Variants in MYH1 observed in about 807,000 individuals in gnomAD.
MYH1 encodes the protein myosin heavy chain 1.
A neutral mutation model predicts 225.6 loss-of-function variants in MYH1; 214 were observed. The ratio of observed to expected loss-of-function variants is 0.95; its 90% CI spans 0.85 to 1.06. The LOEUF (loss-of-function observed/expected upper bound fraction) is 1.06. Ranked by LOEUF, MYH1 falls within the 50% of genes least tolerant of loss-of-function variation. MYH1 has a pLI of 0.00. For missense variants in MYH1, 2,098 were observed against 2,344.2 expected (o/e 0.89, Z 2.17); for synonymous variants, 774 against 842.3 (o/e 0.92, Z 1.40).
Position 10,497,067 on chromosome 17 carries a change from A to C in MYH1, c.4656+2T>G, listed in dbSNP as rs1225115327. The stretch of plus-strand genomic sequence containing the variant: ...TTTTAGAGTATGCAATAAAATGCTT[A>C]CCTCTGCCTCCTCTAAGGCAGCCTG... On this transcript the variant is annotated splice_donor_variant, in intron 33 of 39. Coordinates refer to ENST00000226207, the MANE Select transcript of MYH1 (RefSeq NM_005963.4). LOFTEE classifies it high-confidence loss of function. 6.2e-7 allele frequency: 1 copy of C among 1,612,096 alleles called. No homozygotes were observed. The highest frequency in any genetic ancestry group is 1.1e-5 in the South Asian group (1 of 90,806).
In MYH1 at chr17:10,502,661, T is replaced by A; in HGVS notation, c.3111+77A>T. 3.7e-6 allele frequency: 6 copies of A among 1,604,552 alleles called. 1 individual carries two copies. The South Asian group carries it at 5.5e-5, about 15-fold the overall frequency. On this transcript the variant is annotated intron_variant, in intron 24 of 39. Coordinates refer to ENST00000226207, the MANE Select transcript of MYH1 (RefSeq NM_005963.4). ...AGGCACTTGATAAGTACTCACTATA[T>A]CATAACGACACAAACTTATGCTTAC...
intron 25 of MYH1, 37 bp downstream of exon 25, chr17:10,501,729 A>G (rs1376536081): frequency 1.2e-6 from 2 of 1,613,986 alleles, no homozygotes; most frequent in Non-Finnish European, 1.7e-6. Flanking sequence ...TATTAAGAGT[A>G]ATTTCCCCAC....
chr17:10,507,761 C>T, intron 17 of MYH1, 125 bp downstream of exon 17: 3 of 794,500 alleles, frequency 3.8e-6, no homozygotes, highest in Non-Finnish European at 6.3e-6. Context: ...CTTACCACTA[C>T]CAGCTGAACT....
chr17:10,504,962 C>A lies in MYH1; in HGVS notation c.2539G>T (p.Ala847Ser), dbSNP rs2073094640. The change falls in exon 22 of 40, where the codon GCA (alanine) becomes TCA (serine). Residue 847 changes from alanine (A) to serine (S), a missense_variant. By Grantham distance (99) the Ala-to-Ser change is moderately conservative (BLOSUM62 1). Coordinates refer to ENST00000226207, the MANE Select transcript of MYH1 (RefSeq NM_005963.4). ...TTGGCCATCTCCTTCTCTGTCTCTGCACTTTTGAGGAGGGGTTTGATCTTG... is the reference window on the plus strand; with the variant it reads ...TTGGCCATCTCCTTCTCTGTCTCTGAACTTTTGAGGAGGGGTTTGATCTTG... Reference protein sequence around the residue: ...YFKIKPLLKSAETEKEMANMK... With the variant: ...YFKIKPLLKSSETEKEMANMK... 1 of 1,614,122 alleles carries A rather than the reference C, an allele frequency of 6.2e-7. No individual in the cohort carries two copies. Among genetic ancestry groups the A allele is most frequent in the Non-Finnish European group, 8.5e-7 (1 of 1,180,026 alleles).
chr17:10,505,446 T>C lies in MYH1; in HGVS notation c.2240A>G (p.Glu747Gly). Residue 747 changes from glutamate to glycine, a missense_variant, in exon 20 of 40, where the codon GAG (glutamate) becomes GGG (glycine). Glu to Gly is a moderately conservative substitution (Grantham distance 98, BLOSUM62 -2). Coordinates refer to ENST00000226207, the MANE Select transcript of MYH1 (RefSeq NM_005963.4). ...GQFIDSKKAS[E>G]KLLGSIDIDH... The stretch of plus-strand genomic sequence containing the variant: ...AATGTCAATGGACCCCAGGAGCTTC[T>C]CTGAAGCCTTCTTGCTATCGATGAA... The C allele has an allele frequency of 6.2e-7, 1 of 1,614,222 alleles. No individual in the cohort carries two copies. Among genetic ancestry groups the C allele is most frequent in the Non-Finnish European group, 8.5e-7 (1 of 1,180,026 alleles).
At chr17:10,512,568 CA>C in intron 11 of MYH1, 22 bp from the exon 12 acceptor site, 2 of 1,613,964 alleles carry the variant, frequency 1.2e-6, no homozygotes, top group East Asian at 2.2e-5. Flanking sequence ...GATGAGAAGA[CA>C]AAGATTAGGG....
At position 10,505,763 on chromosome 17, in the gene MYH1, A is replaced by T. The variant is rs1384658604; in HGVS notation, c.2174+49T>A. 4 of 1,606,982 alleles carry T rather than the reference A, an allele frequency of 2.5e-6. No homozygotes were observed. The African/African-American group carries it at 5.4e-5, about 22-fold the overall frequency. On this transcript the variant is annotated intron_variant, in intron 19 of 39. Transcript: ENST00000226207. The stretch of plus-strand genomic sequence containing the variant: ...AGGATTCTTTCATTGAAAAATGTTT[A>T]AAAAGTAATAAAAACCTCTTAAAAT...
Position 10,503,030 on chromosome 17 carries a change from C to T in MYH1, c.2910G>A (p.Lys970=), listed in dbSNP as rs1726553800. The change falls in exon 23 of 40, where the codon AAG becomes AAA. Residue 970 remains lysine, a synonymous_variant. Transcript: ENST00000226207. ...CCTTGTTTTCTGTGGCATGTTTCTCCTTCTCAACCTTGGCCAGTGTCAGCT... is the reference window on the plus strand; with the variant it reads ...CCTTGTTTTCTGTGGCATGTTTCTCTTTCTCAACCTTGGCCAGTGTCAGCT... The part of the protein sequence containing the change: ...DLELTLAKVE[K]EKHATENKVK... 1.9e-6 allele frequency: 3 copies of T among 1,613,762 alleles called. No individual in the cohort carries two copies. The highest frequency in any genetic ancestry group is 1.1e-5 in the South Asian group (1 of 91,066).
intron 39 of MYH1, 26 bp from the exon 40 acceptor site, chr17:10,492,594 G>A (rs1219336013): frequency 2.5e-6 from 4 of 1,585,364 alleles, no homozygotes; most frequent in Non-Finnish European, 3.4e-6. Context: ...CATTTATGAG[G>A]GAAGAAAGTT....
In MYH1 at chr17:10,492,528, A is replaced by T. The variant is rs149572767; in HGVS notation, c.5708T>A (p.Ile1903Asn). Residue 1903 changes from isoleucine to asparagine, a missense_variant, in exon 40 of 40, where the codon ATC (isoleucine) becomes AAC (asparagine). Ile to Asn is a moderately radical substitution (Grantham distance 149). Transcript: ENST00000226207. ...SNVNLSKFRR[I>N]QHELEEAEER... Reference sequence around the variant, plus strand: ...CTCGGCCTCCTCCAGCTCGTGCTGGATCCTGCGGAATTTGGAGAGGTTGAC... The same window carrying T: ...CTCGGCCTCCTCCAGCTCGTGCTGGTTCCTGCGGAATTTGGAGAGGTTGAC... 2,043 of 1,614,042 alleles carry T rather than the reference A, an allele frequency of 1.3e-3. 6 individuals are homozygous for T. Among genetic ancestry groups the T allele is most frequent in the Middle Eastern group, 8.3e-3 (50 of 6,060 alleles).
rs143212686 is a variant in MYH1 at position 10,497,837 on chromosome 17, G to A, written c.4262C>T (p.Thr1421Met). Reference protein sequence around the residue: ...VNAKCASLEKTKQRLQNEVED... With the variant: ...VNAKCASLEKMKQRLQNEVED... ...AACTTCATTCTGGAGCCTCTGCTTC[G>A]TCTTCTCAAGGGAAGCACATTTGGC... The change falls in exon 31 of 40, where the codon ACG becomes ATG. Residue 1421 changes from threonine to methionine, a missense_variant. Transcript: ENST00000226207. The A allele has an allele frequency of 2.3e-5, 37 of 1,613,898 alleles. 1 individual carries two copies. The highest frequency in any genetic ancestry group is 6.6e-5 in the South Asian group (6 of 91,040).
chr17:10,496,145 C>G lies in MYH1; in HGVS notation c.4974G>C (p.Gln1658His). The change falls in exon 35 of 40, where the codon CAG becomes CAC. Residue 1658 changes from glutamine (Q) to histidine (H), a missense_variant. Coordinates refer to ENST00000226207, the MANE Select transcript of MYH1 (RefSeq NM_005963.4). ...RNTQAILKDT[Q>H]LHLDDALRSQ... is the part of the protein sequence containing the mutation. ...TCCGGAGAGCATCATCCAGGTGGAG[C>G]TGGGTATCCTGTGGAACAAACCGTC... 1 of 1,614,158 alleles carries G rather than the reference C, an allele frequency of 6.2e-7. No individual in the cohort carries two copies.
intron 30 of MYH1, 145 bp from the exon 31 acceptor site, chr17:10,498,062 C>A: frequency 1.3e-6 from 1 of 783,398 alleles, no homozygotes; most frequent in South Asian, 2.1e-5. Flanking sequence ...TATATTAACT[C>A]ATTCCCATTA....
At chr17:10,503,329 C>G in intron 22 of MYH1, 81 bp from the exon 23 acceptor site, 2 of 1,554,664 alleles carry the variant, frequency 1.3e-6, no homozygotes, top group South Asian at 2.5e-5. Flanking sequence ...TGAAACCAAA[C>G]AAGTAAATTG....
At chr17:10,509,759 C>T (rs2073153704) in intron 14 of MYH1, 104 bp from the exon 15 acceptor site, 49 of 1,589,288 alleles carry the variant, frequency 3.1e-5, no homozygotes, top group Non-Finnish European at 3.4e-5. Context: ...AGGATGGTAT[C>T]GTTTTGTCCT....
In MYH1 at chr17:10,501,541, G is replaced by T. The variant is rs747024966; in HGVS notation, c.3349-42C>A. 5 of 1,614,024 alleles carry T rather than the reference G, an allele frequency of 3.1e-6. No homozygotes were observed. In the Admixed American group the frequency reaches 8.3e-5, roughly 27 times the overall value. ...ATATTAATACGAACTCAACTTCTTG[G>T]TGTCAGTAACTTTTCGATGTTAAAT... On this transcript the variant is annotated intron_variant, in intron 26 of 39. Transcript: ENST00000226207.
chr17:10,512,545 C>T lies in MYH1; in HGVS notation c.1010G>A (p.Ser337Asn). 6.2e-7 allele frequency: 1 copy of T among 1,614,092 alleles called. No individual in the cohort carries two copies. Among genetic ancestry groups the T allele is most frequent in the South Asian group, 1.1e-5 (1 of 91,080 alleles). ...AGTAAAGCCCAGAATTTCAATGGCACTCTACCATGAGAGATGAGAAGACAA... is the reference window on the plus strand; with the variant it reads ...AGTAAAGCCCAGAATTTCAATGGCATTCTACCATGAGAGATGAGAAGACAA... ...DDQEELMATD[S>N]AIEILGFTSD... The change falls in exon 12 of 40, where the codon AGT becomes AAT. Residue 337 changes from serine to asparagine, a missense_variant and splice_region_variant. Physicochemically the swap from Ser to Asn is conservative, Grantham distance 46 (BLOSUM62 1). Coordinates refer to ENST00000226207, the MANE Select transcript of MYH1 (RefSeq NM_005963.4).
At position 10,509,650 on chromosome 17, in the gene MYH1, G is replaced by A. The variant is rs1168769278; in HGVS notation, c.1422C>T (p.Asn474=). ...DIAGFEIFDF[N]SLEQLCINFT... Reference sequence around the variant, plus strand: ...AGTTGATGCACAGCTGCTCCAGGCTGTTGAACTAAATGAGTTGAAAATACA... The same window carrying A: ...AGTTGATGCACAGCTGCTCCAGGCTATTGAACTAAATGAGTTGAAAATACA... The change falls in exon 15 of 40, where the codon AAC becomes AAT. Residue 474 remains asparagine (N), a synonymous_variant. Transcript: ENST00000226207. The A allele has an allele frequency of 4.3e-6, 7 of 1,614,186 alleles. No homozygotes were observed. In the Admixed American group the frequency reaches 1.0e-4, roughly 23 times the overall value.
chr17:10,504,239 A>G (rs2320950), intron 22 of MYH1, among the ~76,000 whole-genome samples: 55,561 of 152,034 alleles, frequency 0.37, 11,122 homozygotes, highest in East Asian at 0.82. Flanking sequence ...TTAGAATAAG[A>G]ATATCAACCC....
Sources: gnomAD v4.1 joint callset for allele counts (sites outside exome capture counted in the v4.1 genomes callset) on GRCh38, gnomAD v4.1.1 for gene constraint, MANE v1.5 for transcripts, NCBI Gene and HGNC (gene_info 2026-07-23, HGNC 2026-07-21) for gene names.